Variants in LRRTM4 observed in about 807,000 individuals in gnomAD.
LRRTM4 encodes leucine rich repeat transmembrane neuronal 4, also known as leucine-rich repeat transmembrane neuronal protein 4.
In LRRTM4, 25 loss-of-function variants were observed where a neutral mutation model predicts 47.6. That is an observed-to-expected ratio of 0.53 (90% CI 0.38 to 0.73). LRRTM4 has a LOEUF of 0.73. Ranked by LOEUF, LRRTM4 falls within the 30% of genes least tolerant of loss-of-function variation. LRRTM4 has a pLI of 0.00. For synonymous variants in LRRTM4, 311 were observed against 269.5 expected (o/e 1.15, Z -1.51); for missense variants, 638 against 713.4 (o/e 0.89, Z 1.20).
rs192661694 is a variant in LRRTM4, at chr2:77,012,298, T to G, written c.1552-263382A>C. ...ATTATTATTTCCAAGAATAATCATT[T>G]TTTTTTGGAAATCAGTATTATAACA... On this transcript the variant is annotated intron_variant, in intron 3 of 3. Coordinates refer to ENST00000409884, the MANE Select transcript of LRRTM4 (RefSeq NM_001134745.3). 3.8e-3 allele frequency among the ~76,000 whole-genome samples: 572 copies of G among 152,292 alleles called. 8 individuals are homozygous for G. The highest frequency in any genetic ancestry group is 0.013 in the African/African-American group (549 of 41,570).
intron 3 of LRRTM4, among the ~76,000 whole-genome samples, chr2:76,849,889 T>A (rs1190459708): frequency 6.6e-6 from 1 of 152,120 alleles, no homozygotes; most frequent in Middle Eastern, 3.2e-3. Flanking sequence ...TGATGTATAA[T>A]TGTATTACTC....
chr2:76,841,867 A>C (rs908710404), intron 3 of LRRTM4, among the ~76,000 whole-genome samples: 1 of 152,282 alleles, frequency 6.6e-6, no homozygotes, highest in East Asian at 1.9e-4. Flanking sequence ...TTCACATATC[A>C]AATCTGAAAA....
rs922655571 is a variant in LRRTM4, at chr2:76,873,514, A to G, written c.1552-124598T>C. 6.2e-5 allele frequency among the ~76,000 whole-genome samples: 9 copies of G among 145,342 alleles called. No individual in the cohort carries two copies. In the South Asian group the frequency reaches 1.7e-3, roughly 28 times the overall value. On this transcript the variant is annotated intron_variant, in intron 3 of 3. Coordinates refer to ENST00000409884, the MANE Select transcript of LRRTM4 (RefSeq NM_001134745.3). ...TGTGTATATATATGTGTGTATATAT[A>G]TATATATATATATATATATACAACA...
rs552925726 is a variant in LRRTM4 at position 77,313,308 on chromosome 2, G to T, written c.1551+205010C>A. On this transcript the variant is annotated intron_variant, in intron 3 of 3. Coordinates refer to ENST00000409884, the MANE Select transcript of LRRTM4 (RefSeq NM_001134745.3). The stretch of plus-strand genomic sequence containing the variant: ...CCCCCCTAACTTTTCCTGGGACCTG[G>T]TGCTGGGATGTGCCCCCCTACCTTT... 9.8e-4 allele frequency among the ~76,000 whole-genome samples: 137 copies of T among 139,382 alleles called. 1 individual carries two copies. The South Asian group carries it at 0.029, about 29-fold the overall frequency. 91.4% of individuals were successfully genotyped at this position (139,382 alleles called of 152,430 possible).
At chr2:77,151,069 G>A (rs2103784705) in intron 3 of LRRTM4, among the ~76,000 whole-genome samples, 1 of 152,150 alleles carries the variant, frequency 6.6e-6, no homozygotes, top group African/African-American at 2.4e-5. Flanking sequence ...GCAAATACCT[G>A]TGAAATCATC....
intron 3 of LRRTM4, among the ~76,000 whole-genome samples, chr2:76,824,417 A>G (rs1671136677): frequency 6.6e-6 from 1 of 151,560 alleles, no homozygotes; most frequent in South Asian, 2.1e-4. Context: ...AGGTGTTTTC[A>G]TGTTCAACCA....
At chr2:76,795,959 C>T (rs1224008985) in intron 3 of LRRTM4, among the ~76,000 whole-genome samples, 3 of 150,482 alleles carry the variant, frequency 2.0e-5, no homozygotes, top group Non-Finnish European at 4.4e-5. Context: ...TGGGTGCGCG[C>T]ACCATGTGCG....
intron 3 of LRRTM4, among the ~76,000 whole-genome samples, chr2:76,800,773 C>A (rs1675624880): frequency 7.2e-6 from 1 of 139,318 alleles, no homozygotes; most frequent in Non-Finnish European, 1.5e-5. Flanking sequence ...AACAAACAAC[C>A]CCATCAAAAA....
At chr2:77,442,382 A>T (rs1157414617) in intron 3 of LRRTM4, among the ~76,000 whole-genome samples, 4 of 152,186 alleles carry the variant, frequency 2.6e-5, no homozygotes, top group Non-Finnish European at 5.9e-5. Flanking sequence ...GGCATTTCAG[A>T]TTTCCTAAAA....
chr2:77,042,445 C>T (rs1348221494), intron 3 of LRRTM4, among the ~76,000 whole-genome samples: 1 of 151,486 alleles, frequency 6.6e-6, no homozygotes, highest in Non-Finnish European at 1.5e-5. Context: ...TTGAGATTAT[C>T]TCTATTATAA....
chr2:76,768,807 G>A (rs189555573), intron 3 of LRRTM4, among the ~76,000 whole-genome samples: 6 of 152,196 alleles, frequency 3.9e-5, no homozygotes, highest in Non-Finnish European at 7.4e-5. Context: ...ACTGAAATTA[G>A]GATCTGATTC....
intron 3 of LRRTM4, among the ~76,000 whole-genome samples, chr2:77,103,368 T>G (rs189494168): frequency 6.6e-6 from 1 of 152,232 alleles, no homozygotes; most frequent in Admixed American, 6.5e-5. Context: ...CAAATCCAAA[T>G]TTTTCCATCT....
intron 3 of LRRTM4, among the ~76,000 whole-genome samples, chr2:77,378,778 G>A (rs1672937965): frequency 1.3e-5 from 2 of 152,034 alleles, no homozygotes; most frequent in Non-Finnish European, 2.9e-5. Context: ...ACCTGCCTCA[G>A]TGTTCTCATG....
At chr2:77,154,554 T>C (rs954327158) in intron 3 of LRRTM4, among the ~76,000 whole-genome samples, 3 of 152,168 alleles carry the variant, frequency 2.0e-5, no homozygotes, top group Non-Finnish European at 2.9e-5. Flanking sequence ...TATTTATAGA[T>C]AGTAATTTTC....
At chr2:76,911,013 G>A (rs1179011237) in intron 3 of LRRTM4, among the ~76,000 whole-genome samples, 2 of 152,172 alleles carry the variant, frequency 1.3e-5, no homozygotes, top group Non-Finnish European at 2.9e-5. Context: ...ACCATCTAAA[G>A]TGGCCAACTT....
At chr2:77,305,023 T>C (rs551478062) in intron 3 of LRRTM4, among the ~76,000 whole-genome samples, 1 of 152,210 alleles carries the variant, frequency 6.6e-6, no homozygotes, top group South Asian at 2.1e-4. Flanking sequence ...TAATTCATCA[T>C]AGAAGATCAT....
intron 3 of LRRTM4, among the ~76,000 whole-genome samples, chr2:77,031,220 TTAAAA>T (rs1410410738): frequency 6.6e-6 from 1 of 152,192 alleles, no homozygotes; most frequent in East Asian, 1.9e-4. Flanking sequence ...ATTTGTGTTT[TTAAAA>T]TAATTTTGTG....
At chr2:77,098,995 T>C (rs1019078717) in intron 3 of LRRTM4, among the ~76,000 whole-genome samples, 9 of 151,958 alleles carry the variant, frequency 5.9e-5, no homozygotes, top group African/African-American at 1.9e-4. Context: ...GGGGAGTAAG[T>C]GGAACCATGG....
chr2:77,463,294 G>A (rs2103976402), intron 3 of LRRTM4, among the ~76,000 whole-genome samples: 1 of 152,076 alleles, frequency 6.6e-6, no homozygotes, highest in East Asian at 1.9e-4. Context: ...TGTATATGTG[G>A]ACCATCATTG....
Sources: gnomAD v4.1 joint callset for allele counts (sites outside exome capture counted in the v4.1 genomes callset) on GRCh38, gnomAD v4.1.1 for gene constraint, MANE v1.5 for transcripts, NCBI Gene and HGNC (gene_info 2026-07-23, HGNC 2026-07-21) for gene names.